The following SAXO4 variants were observed in gnomAD, a reference collection of about 807,000 sequenced individuals.
SAXO4 encodes the protein stabilizer of axonemal microtubules 4, also known as protein phosphatase 1 regulatory subunit 32.
At chr11:61,489,769 TC>T in the SAXO4 span, 1 of 1,613,740 alleles carries the variant, frequency 6.2e-7, no homozygotes, top group South Asian at 1.1e-5. Flanking sequence ...CAAGGACCCC[TC>T]CTCTCCTCCA....
At chr11:61,483,686 G>A in the SAXO4 span, among the ~76,000 whole-genome samples, 4 of 152,042 alleles carry the variant, frequency 2.6e-5, no homozygotes, top group Admixed American at 6.6e-5. Context: ...GGCCAGGTGC[G>A]ATGGCTCACA....
At chr11:61,486,709 A>G in the SAXO4 span, 1 of 1,192,204 alleles carries the variant, frequency 8.4e-7, no homozygotes, top group Non-Finnish European at 1.2e-6. Context: ...GAGAAGAATT[A>G]GGATATTTAG....
the SAXO4 span, chr11:61,482,302 C>T: frequency 6.2e-7 from 1 of 1,613,462 alleles, no homozygotes. Flanking sequence ...CCCGTTACCC[C>T]TCTGGCAGGT....
chr11:61,481,833 G>T, the SAXO4 span: 1 of 1,529,576 alleles, frequency 6.5e-7, no homozygotes, highest in African/African-American at 1.4e-5. Flanking sequence ...TCCCCCTGGG[G>T]GTCGTCTCCC....
chr11:61,487,057 A>T, the SAXO4 span: 1 of 1,613,960 alleles, frequency 6.2e-7, no homozygotes, highest in Non-Finnish European at 8.5e-7. Context: ...ACTGTGGGGA[A>T]AAAGGTGAGA....
At chr11:61,482,111 A>G in the SAXO4 span, among the ~76,000 whole-genome samples, 1 of 152,048 alleles carries the variant, frequency 6.6e-6, no homozygotes, top group African/African-American at 2.4e-5. Flanking sequence ...ATTCTGCCAC[A>G]CTGACCTTGT....
the SAXO4 span, among the ~76,000 whole-genome samples, chr11:61,482,989 C>T: frequency 3.3e-5 from 5 of 151,802 alleles, no homozygotes; most frequent in Admixed American, 6.6e-5. Flanking sequence ...CCCACCACCT[C>T]TATTCCCTGC....
At chr11:61,487,106 T>G in the SAXO4 span, 2 of 1,610,966 alleles carry the variant, frequency 1.2e-6, no homozygotes, top group Non-Finnish European at 1.7e-6. Flanking sequence ...TCCCCACCCC[T>G]TCTGACTTGA....
At chr11:61,487,274 C>A in the SAXO4 span, 8 of 1,559,650 alleles carry the variant, frequency 5.1e-6, no homozygotes, top group Non-Finnish European at 7.1e-6. Context: ...AGCTGAAACC[C>A]ATTTGAGAAA....
chr11:61,485,389 C>T, the SAXO4 span: 1 of 1,613,978 alleles, frequency 6.2e-7, no homozygotes, highest in East Asian at 2.2e-5. Context: ...CAGGGACCCT[C>T]TAGACCAGCC....
the SAXO4 span, among the ~76,000 whole-genome samples, chr11:61,483,775 T>A: frequency 6.7e-6 from 1 of 150,198 alleles, no homozygotes; most frequent in African/African-American, 2.5e-5. Context: ...CTGGCCAACA[T>A]GGTGAAACTC....
At chr11:61,485,730 C>T in the SAXO4 span, 3 of 1,209,772 alleles carry the variant, frequency 2.5e-6, no homozygotes, top group Non-Finnish European at 3.6e-6. Flanking sequence ...CCTGCTGGGA[C>T]ACTGAGCCTC....
chr11:61,486,230 C>A, the SAXO4 span: 1 of 1,102,004 alleles, frequency 9.1e-7, no homozygotes, highest in Non-Finnish European at 1.3e-6. Flanking sequence ...CCCATTTGAG[C>A]TGAGTCCTCC....
the SAXO4 span, chr11:61,486,371 A>T: frequency 6.2e-7 from 1 of 1,614,060 alleles, no homozygotes; most frequent in East Asian, 2.2e-5. Context: ...GAGTGTCACC[A>T]AGTCAGACTT....
chr11:61,484,269 G>A, the SAXO4 span, among the ~76,000 whole-genome samples: 2 of 152,174 alleles, frequency 1.3e-5, no homozygotes, highest in African/African-American at 4.8e-5. Flanking sequence ...AAATAAATTA[G>A]AAGCGAAGGA....
the SAXO4 span, chr11:61,488,874 C>G: frequency 6.6e-6 from 1 of 152,344 alleles, no homozygotes; most frequent in African/African-American, 2.4e-5. Flanking sequence ...AGCCAGTTAG[C>G]GAGAGCTGTT....
At chr11:61,485,547 T>A in the SAXO4 span, 1 of 800,512 alleles carries the variant, frequency 1.2e-6, no homozygotes, top group East Asian at 2.7e-5. Context: ...GGGAAGCGCC[T>A]CTCCCGGGCT....
the SAXO4 span, among the ~76,000 whole-genome samples, chr11:61,485,636 G>C: frequency 6.6e-6 from 1 of 152,206 alleles, no homozygotes; most frequent in Non-Finnish European, 1.5e-5. Context: ...CCTGTCCTCC[G>C]GCCTGGACTC....
At chr11:61,489,996 G>C in the SAXO4 span, 10 of 1,536,690 alleles carry the variant, frequency 6.5e-6, no homozygotes, top group Non-Finnish European at 8.8e-6. Flanking sequence ...CATCCAGGCC[G>C]TGTGCCAGGC....
Sources: gnomAD v4.1 joint callset for allele counts (sites outside exome capture counted in the v4.1 genomes callset) on GRCh38, gnomAD v4.1.1 for gene constraint, MANE v1.5 for transcripts, NCBI Gene and HGNC (gene_info 2026-07-23, HGNC 2026-07-21) for gene names.